Variants in HDAC9 observed in about 807,000 individuals in gnomAD.
HDAC9 encodes MEF-2 interacting transcription repressor (MITR) protein.
In HDAC9, 41 loss-of-function variants were observed where a neutral mutation model predicts 139.4. The ratio of observed to expected loss-of-function variants is 0.29; its 90% confidence interval spans 0.23 to 0.38. HDAC9 has a LOEUF of 0.38. Ranked by LOEUF, HDAC9 falls within the 10% of genes least tolerant of loss-of-function variation. The pLI, the probability that HDAC9 is intolerant of heterozygous loss-of-function variation, is 1.00. For missense variants in HDAC9, 1,147 were observed against 1,297.0 expected (o/e 0.88, Z 1.78); for synonymous variants, 517 against 476.2 (o/e 1.09, Z -1.12).
intron 2 of HDAC9, among the ~76,000 whole-genome samples, chr7:18,571,353 A>G (rs1158037774): frequency 2.6e-5 from 4 of 152,180 alleles, no homozygotes; most frequent in African/African-American, 9.7e-5. Flanking sequence ...TATAACACTG[A>G]TTTTCAAACT....
chr7:18,475,228 T>C (rs1795025038), intron 1 of HDAC9, among the ~76,000 whole-genome samples: 2 of 152,322 alleles, frequency 1.3e-5, no homozygotes, highest in Admixed American at 1.3e-4. Flanking sequence ...ACAAGAGCCA[T>C]GGACTCTTCT....
chr7:18,170,666 GC>G (rs1290079381), intron 2 of HDAC9, among the ~76,000 whole-genome samples: 2 of 152,022 alleles, frequency 1.3e-5, no homozygotes, highest in East Asian at 1.9e-4. Flanking sequence ...TCTACATATG[GC>G]TAGCCAGTTT....
chr7:18,897,055 T>C (rs1337196036), intron 22 of HDAC9, among the ~76,000 whole-genome samples: 1 of 152,058 alleles, frequency 6.6e-6, no homozygotes, highest in African/African-American at 2.4e-5. Context: ...AGTATGCATA[T>C]GCTCATTTTT....
rs574645043 is a variant in HDAC9, at chr7:18,791,885, G to T, written c.2215-1460G>T. On this transcript the variant is annotated intron_variant, in intron 16 of 25. Transcript: ENST00000686413. The stretch of plus-strand genomic sequence containing the variant: ...ATCCTCACTAAAATCGTATGCAGAT[G>T]GTACTTTAAAAAGTTGGTATTTTCA... Among the ~76,000 whole-genome samples, 24 of 152,176 alleles carry T rather than the reference G, an allele frequency of 1.6e-4. No homozygotes were observed. The South Asian group carries it at 5.0e-3, about 32-fold the overall frequency.
chr7:18,666,695 T>C (rs1222039066), intron 12 of HDAC9: 3 of 1,300,746 alleles, frequency 2.3e-6, no homozygotes, highest in African/African-American at 3.0e-5. Context: ...CAATGTTTCA[T>C]TGAAAATCCA....
chr7:18,614,409 T>A (rs1021185223), intron 6 of HDAC9, among the ~76,000 whole-genome samples: 11 of 152,110 alleles, frequency 7.2e-5, no homozygotes, highest in African/African-American at 1.9e-4. Context: ...GTCTTCTTTG[T>A]TGTGTTCTTT....
intron 12 of HDAC9, among the ~76,000 whole-genome samples, chr7:18,680,504 CT>C (rs1291667862): frequency 2.2e-4 from 34 of 151,902 alleles, no homozygotes; most frequent in Admixed American, 2.2e-3. Flanking sequence ...TTACCATGGA[CT>C]TTTAGACGGC....
intron 2 of HDAC9, among the ~76,000 whole-genome samples, chr7:18,261,360 T>C (rs1338006925): frequency 2.0e-5 from 3 of 152,110 alleles, no homozygotes; most frequent in Non-Finnish European, 2.9e-5. Flanking sequence ...CTTAGCAGAA[T>C]GTGTTATATT....
chr7:18,459,744 A>G lies in HDAC9; in HGVS notation c.-41-36518A>G, dbSNP rs79447478. Among the ~76,000 whole-genome samples, 1,494 of 152,278 alleles carry G rather than the reference A, an allele frequency of 9.8e-3. 7 individuals are homozygous for G. The highest frequency in any genetic ancestry group is 0.017 in the Non-Finnish European group (1,160 of 68,016). On this transcript the variant is annotated intron_variant, in intron 1 of 3. Transcript: ENST00000413509. ...AGTGTGTCCCCTTGGGCTACATCAT[A>G]TAACTTCCTTATTAAAGTGAAAGGA... is the stretch of plus-strand genomic sequence containing the variant.
chr7:18,998,023 C>G lies in HDAC9; in HGVS notation c.*1961C>G, dbSNP rs1331560949. The G allele has an allele frequency of 6.6e-6, 1 of 151,952 alleles. No individual in the cohort carries two copies. The highest frequency in any genetic ancestry group is 1.5e-5 in the Non-Finnish European group (1 of 67,986). The allele number at this position is 151,952 out of a possible 1,614,324, so 9.4% of individuals were successfully genotyped here. On this transcript the variant is annotated 3_prime_UTR_variant, in exon 26 of 26. Transcript: ENST00000686413. ...ATTTTATTTTCATGAGAAATTCATA[C>G]CAATCATATTTGCTAGCTTATGTTA...
chr7:18,347,514 A>T (rs951521803), intron 1 of HDAC9, among the ~76,000 whole-genome samples: 1 of 152,230 alleles, frequency 6.6e-6, no homozygotes, highest in African/African-American at 2.4e-5. Flanking sequence ...CTCCCATGTA[A>T]ATTGTGTTTA....
chr7:18,229,363 ATCTT>A (rs1562771486), intron 2 of HDAC9, among the ~76,000 whole-genome samples: 1 of 152,200 alleles, frequency 6.6e-6, no homozygotes, highest in East Asian at 1.9e-4. Context: ...CCACTGCTGT[ATCTT>A]TTGTGCCTAG....
chr7:18,098,892 C>G (rs1323962148), intron 1 of HDAC9, among the ~76,000 whole-genome samples: 1 of 152,142 alleles, frequency 6.6e-6, no homozygotes, highest in African/African-American at 2.4e-5. Context: ...TCATATGCCT[C>G]TCTATGGTGA....
intron 1 of HDAC9, among the ~76,000 whole-genome samples, chr7:18,147,303 A>G (rs752845277): frequency 2.0e-5 from 3 of 152,230 alleles, no homozygotes; most frequent in Non-Finnish European, 4.4e-5. Flanking sequence ...TGCTTAAAAT[A>G]AAAGGAAAAA....
chr7:18,215,019 A>G (rs1355771088), intron 2 of HDAC9, among the ~76,000 whole-genome samples: 1 of 152,158 alleles, frequency 6.6e-6, no homozygotes, highest in Non-Finnish European at 1.5e-5. Flanking sequence ...CTATGGTATG[A>G]TAATGGGCTT....
intron 1 of HDAC9, among the ~76,000 whole-genome samples, chr7:18,098,912 A>G (rs1339049917): frequency 1.3e-5 from 2 of 152,146 alleles, no homozygotes; most frequent in African/African-American, 4.8e-5. Flanking sequence ...AGAAGCTAGT[A>G]CTGCTTTGTT....
At chr7:18,903,370 A>G (rs1801909101) in intron 22 of HDAC9, among the ~76,000 whole-genome samples, 1 of 152,220 alleles carries the variant, frequency 6.6e-6, no homozygotes, top group African/African-American at 2.4e-5. Flanking sequence ...ATGGTGTTAG[A>G]CCAAAATCAG....
chr7:18,914,544 A>G (rs896626672), intron 22 of HDAC9, among the ~76,000 whole-genome samples: 2 of 152,016 alleles, frequency 1.3e-5, no homozygotes, highest in African/African-American at 2.4e-5. Context: ...TTTCTAATAT[A>G]ATTTTTAAGT....
chr7:18,972,337 CTT>C (rs1784290842), intron 24 of HDAC9, among the ~76,000 whole-genome samples: 1 of 134,332 alleles, frequency 7.4e-6, no homozygotes, highest in Non-Finnish European at 1.6e-5. Flanking sequence ...GCTGGAAATA[CTT>C]TTAGTTAGCT....
Sources: gnomAD v4.1 joint callset for allele counts (sites outside exome capture counted in the v4.1 genomes callset) on GRCh38, gnomAD v4.1.1 for gene constraint, MANE v1.5 for transcripts, NCBI Gene and HGNC (gene_info 2026-07-23, HGNC 2026-07-21) for gene names.